The following NRXN3 variants were observed in gnomAD, a reference collection of about 807,000 sequenced individuals.
The protein encoded by NRXN3 is neurexin III.
A neutral mutation model predicts 137.6 loss-of-function variants in NRXN3; 32 were observed. That is an observed-to-expected ratio of 0.23 (90% CI 0.18 to 0.31). NRXN3 has a LOEUF of 0.31. Ranked by LOEUF, NRXN3 falls within the 10% of genes least tolerant of loss-of-function variation. The pLI, the probability that NRXN3 is intolerant of heterozygous loss-of-function variation, is 1.00. For synonymous variants in NRXN3, 798 were observed against 784.5 expected (o/e 1.02, Z -0.29); for missense variants, 1,574 against 2,062.5 (o/e 0.76, Z 4.59).
intron 17 of NRXN3, among the ~76,000 whole-genome samples, chr14:79,671,739 A>C (rs768593939): frequency 5.3e-5 from 8 of 152,080 alleles, no homozygotes; most frequent in Non-Finnish European, 1.2e-4. Context: ...TATAAGTTAA[A>C]TACAATTACT....
At chr14:78,244,083 C>T (rs747092741) in intron 2 of NRXN3, among the ~76,000 whole-genome samples, 2 of 152,146 alleles carry the variant, frequency 1.3e-5, no homozygotes, top group Admixed American at 6.5e-5. Context: ...CTTGGCCCCT[C>T]TCACTGCAGC....
intron 1 of NRXN3, among the ~76,000 whole-genome samples, chr14:78,218,599 C>G (rs1052013464): frequency 1.3e-5 from 2 of 152,196 alleles, no homozygotes; most frequent in Non-Finnish European, 2.9e-5. Context: ...ACCAAAGGCC[C>G]CAGGAGTCCT....
At chr14:79,193,776 T>A (rs929359051) in intron 15 of NRXN3, among the ~76,000 whole-genome samples, 1 of 152,158 alleles carries the variant, frequency 6.6e-6, no homozygotes, top group Non-Finnish European at 1.5e-5. Context: ...AGGAATGAGA[T>A]CTCCTACATG....
intron 20 of NRXN3, among the ~76,000 whole-genome samples, chr14:79,812,813 G>A (rs1568335415): frequency 6.6e-6 from 1 of 152,148 alleles, no homozygotes; most frequent in East Asian, 1.9e-4. Context: ...GAACTCATGA[G>A]AACTTCCTGA....
At chr14:79,221,824 G>T (rs1165451118) in intron 15 of NRXN3, among the ~76,000 whole-genome samples, 1 of 152,082 alleles carries the variant, frequency 6.6e-6, no homozygotes, top group Non-Finnish European at 1.5e-5. Context: ...TGAAGTCTTT[G>T]CCCATGCCTA....
rs114470549 is a variant in NRXN3, at chr14:79,723,043, T to C, written c.4014+25106T>C. Among the ~76,000 whole-genome samples the C allele has an allele frequency of 8.2e-3, 1,247 of 152,192 alleles. 13 individuals are homozygous for C. The highest frequency in any genetic ancestry group is 0.028 in the African/African-American group (1,172 of 41,538). ...GTGCATTTATGTCGATACTACCCAC[T>C]CCATTCTATCATATTGGGAAAATAA... is the stretch of plus-strand genomic sequence containing the variant. On this transcript the variant is annotated intron_variant, in intron 19 of 20. Transcript: ENST00000335750.
intron 4 of NRXN3, among the ~76,000 whole-genome samples, chr14:78,420,156 G>C (rs1250749159): frequency 6.6e-6 from 1 of 152,136 alleles, no homozygotes; most frequent in Non-Finnish European, 1.5e-5. Flanking sequence ...AGGGGGATAA[G>C]GCAGATGAAT....
intron 1 of NRXN3, among the ~76,000 whole-genome samples, chr14:78,178,088 A>G (rs1158087081): frequency 6.6e-6 from 1 of 152,252 alleles, no homozygotes; most frequent in Non-Finnish European, 1.5e-5. Context: ...CTGAAGCCTA[A>G]GGAGGTTAAG....
chr14:79,065,396 T>C (rs148937725), intron 15 of NRXN3, among the ~76,000 whole-genome samples: 29 of 152,224 alleles, frequency 1.9e-4, no homozygotes, highest in African/African-American at 6.7e-4. Context: ...TGCTGGACTT[T>C]AGGGTGGAAC....
intron 15 of NRXN3, among the ~76,000 whole-genome samples, chr14:79,410,739 G>C (rs960951194): frequency 6.6e-6 from 1 of 152,016 alleles, no homozygotes; most frequent in Admixed American, 6.6e-5. Flanking sequence ...TGTTCAAGAT[G>C]CTCATTAATT....
chr14:79,784,977 C>T (rs1295533373), intron 19 of NRXN3, among the ~76,000 whole-genome samples: 1 of 152,114 alleles, frequency 6.6e-6, no homozygotes, highest in Non-Finnish European at 1.5e-5. Flanking sequence ...AATTTCAAAA[C>T]AGAGAGCAGA....
intron 17 of NRXN3, among the ~76,000 whole-genome samples, chr14:79,685,326 T>A (rs180840992): frequency 6.6e-6 from 1 of 152,076 alleles, no homozygotes; most frequent in East Asian, 1.9e-4. Flanking sequence ...CACTAAGACA[T>A]GGCTAAAACT....
At chr14:79,183,123 T>C (rs1403776719) in intron 15 of NRXN3, among the ~76,000 whole-genome samples, 1 of 152,212 alleles carries the variant, frequency 6.6e-6, no homozygotes, top group Non-Finnish European at 1.5e-5. Flanking sequence ...TTGATCTACT[T>C]TTATTTTTTA....
At chr14:78,941,381 A>G (rs1360961369) in intron 10 of NRXN3, among the ~76,000 whole-genome samples, 1 of 152,084 alleles carries the variant, frequency 6.6e-6, no homozygotes, top group Non-Finnish European at 1.5e-5. Flanking sequence ...GCAGGGATTC[A>G]CCTTTCCTTA....
intron 10 of NRXN3, among the ~76,000 whole-genome samples, chr14:78,829,553 A>G (rs948730266): frequency 5.3e-5 from 8 of 152,170 alleles, no homozygotes; most frequent in African/African-American, 1.9e-4. Flanking sequence ...GGATGTCTAG[A>G]AGCCCAAAAC....
At chr14:78,490,364 T>G (rs559005275) in intron 4 of NRXN3, among the ~76,000 whole-genome samples, 7 of 152,326 alleles carry the variant, frequency 4.6e-5, no homozygotes, top group African/African-American at 1.7e-4. Flanking sequence ...CTTACCTTAC[T>G]TACTTCACAG....
chr14:78,265,517 C>T (rs1352358369), intron 2 of NRXN3, among the ~76,000 whole-genome samples: 1 of 152,124 alleles, frequency 6.6e-6, no homozygotes, highest in African/African-American at 2.4e-5. Flanking sequence ...ATATATTCTT[C>T]TATTTAATAT....
intron 4 of NRXN3, among the ~76,000 whole-genome samples, chr14:78,591,233 A>G (rs1320622909): frequency 6.6e-6 from 1 of 152,112 alleles, no homozygotes; most frequent in Non-Finnish European, 1.5e-5. Context: ...AGTCGCCCCT[A>G]TGTGTGCACA....
chr14:79,631,835 G>A (rs1408975743), intron 16 of NRXN3, among the ~76,000 whole-genome samples: 5 of 145,436 alleles, frequency 3.4e-5, no homozygotes, highest in South Asian at 2.2e-4. Flanking sequence ...TAGGGGACTT[G>A]GAGACCTTTT....
Sources: gnomAD v4.1 joint callset for allele counts (sites outside exome capture counted in the v4.1 genomes callset) on GRCh38, gnomAD v4.1.1 for gene constraint, MANE v1.5 for transcripts, NCBI Gene and HGNC (gene_info 2026-07-23, HGNC 2026-07-21) for gene names.